HMCN2: variants seen among roughly 807,000 people sequenced by gnomAD.
HMCN2 encodes hemicentin 2.
HMCN2 carries 325 observed loss-of-function variants against 377.5 expected under a neutral mutation model. The observed-to-expected ratio is 0.86, with a 90% confidence interval of 0.79 to 0.94. The LOEUF (loss-of-function observed/expected upper bound fraction) is 0.94, where lower values mean the gene tolerates loss of function less well. HMCN2 is among the 40% of genes least tolerant of loss of function. HMCN2 has a pLI of 0.00. For synonymous variants in HMCN2, 2,007 were observed against 2,046.8 expected, an observed-to-expected ratio of 0.98 and a Z score of 0.53; for missense variants, 4,543 against 4,725.3, an observed-to-expected ratio of 0.96 and a Z score of 1.13.
chr9:130,427,275 C>T (rs1006555736), intron 90 of HMCN2, 38 bp from the exon 91 acceptor site: 13 of 1,544,134 alleles, frequency 8.4e-6, no homozygotes, highest in Non-Finnish European at 1.1e-5. Context: ...GGAGAGGACA[C>T]CCTCATGTCC....
intron 22 of HMCN2, among the ~76,000 whole-genome samples, chr9:130,328,441 C>T (rs1356513470): frequency 6.6e-6 from 1 of 152,144 alleles, no homozygotes; most frequent in African/African-American, 2.4e-5. Context: ...GAAACGGGAA[C>T]CGCATTCCCA....
In HMCN2 at chr9:130,382,240, T is replaced by C. The variant is rs1009106419; in HGVS notation, c.8488T>C (p.Cys2830Arg). The change falls in exon 55 of 98, where the codon TGC becomes CGC. Residue 2830 changes from cysteine to arginine, a missense_variant. Cys to Arg is a radical substitution (Grantham distance 180, BLOSUM62 -3). This residue lies in a region of HMCN2 where 736 missense variants were observed against 773.2 expected (regional missense o/e 0.95). Transcript: ENST00000683500. ...VRAENAGRYS[C>R]KASNEVGEDW... ...GGCAGAGAACGCCGGGAGGTACTCG[T>C]GCAAGGCCTCCAACGAGGTGGGCGA... 9 of 985,820 alleles carry C rather than the reference T, an allele frequency of 9.1e-6. No homozygotes were observed. The highest frequency in any genetic ancestry group is 1.1e-5 in the Non-Finnish European group (9 of 829,924). The allele number at this position is 985,820 out of a possible 1,614,324, so 61.1% of individuals were successfully genotyped here. A position where few individuals can be genotyped will look rare whatever the true frequency, so the allele number is the denominator to read the frequency against.
At chr9:130,345,207 A>C (rs1157761073) in intron 25 of HMCN2, among the ~76,000 whole-genome samples, 1 of 102,658 alleles carries the variant, frequency 9.7e-6, no homozygotes, top group Admixed American at 1.0e-4. Context: ...TGTGGTATGT[A>C]TTGTGTGTGG....
chr9:130,408,911 C>G lies in HMCN2; in HGVS notation c.12857C>G (p.Ser4286Trp). ...SHLRHQLQNG[S>W]LTIRRTERDD... The stretch of plus-strand genomic sequence containing the variant: ...CTCCGGCACCAGCTGCAGAATGGCT[C>G]GCTGACCATCCGCAGGACTGAGGCA... Residue 4286 changes from serine to tryptophan, a missense_variant, in exon 84 of 98, where the codon TCG (serine) becomes TGG (tryptophan). Coordinates refer to ENST00000683500, the MANE Select transcript of HMCN2 (RefSeq NM_001291815.2). 1.6e-6 allele frequency: 2 copies of G among 1,289,500 alleles called. No homozygotes were observed. The highest frequency in any genetic ancestry group is 2.0e-6 in the Non-Finnish European group (2 of 988,770). The allele number at this position is 1,289,500 out of a possible 1,614,324, so 79.9% of individuals were successfully genotyped here.
At position 130,391,028 on chromosome 9, in the gene HMCN2, G is replaced by A. The variant is rs991830821; in HGVS notation, c.9575G>A (p.Ser3192Asn). 6.1e-6 allele frequency: 6 copies of A among 987,580 alleles called. No homozygotes were observed. The African/African-American group carries it at 1.0e-4, about 17-fold the overall frequency. The allele number at this position is 987,580 out of a possible 1,614,324, so 61.2% of individuals were successfully genotyped here. A position where few individuals can be genotyped will look rare whatever the true frequency, so the allele number is the denominator to read the frequency against. The change falls in exon 63 of 98, where the codon AGC (serine) becomes AAC (asparagine). Residue 3192 changes from serine (S) to asparagine (N), a missense_variant. Physicochemically the swap from Ser to Asn is conservative, Grantham distance 46. Around this residue, in one of 5 missense-constraint regions of HMCN2, gnomAD observed 736 missense variants for 773.2 expected, o/e 0.95. Coordinates refer to ENST00000683500, the MANE Select transcript of HMCN2 (RefSeq NM_001291815.2). ...VVSRGGRLQL[S>N]RLQPAQAGTY... The stretch of plus-strand genomic sequence containing the variant: ...TCCCGGGGGGGCCGCCTCCAGCTGA[G>A]CCGCCTGCAACCGGCCCAGGCGGGC...
intron 84 of HMCN2, 60 bp from the exon 85 acceptor site, chr9:130,410,511 G>A: frequency 6.7e-7 from 1 of 1,494,540 alleles, no homozygotes; most frequent in Non-Finnish European, 9.1e-7. Flanking sequence ...CTACCCAACT[G>A]TCTGAGCCAC....
intron 31 of HMCN2, among the ~76,000 whole-genome samples, chr9:130,353,717 C>T (rs779244509): frequency 1.3e-5 from 2 of 152,188 alleles, no homozygotes; most frequent in Non-Finnish European, 2.9e-5. Context: ...CCGGTCCTTA[C>T]GCGGGCAGAT....
chr9:130,396,218 C>A lies in HMCN2; in HGVS notation c.11103C>A (p.Asn3701Lys). Residue 3701 changes from asparagine (N) to lysine (K), a missense_variant, in exon 73 of 98, where the codon AAC becomes AAA. Asn to Lys is a moderately conservative substitution (Grantham distance 94, BLOSUM62 0). Coordinates refer to ENST00000683500, the MANE Select transcript of HMCN2 (RefSeq NM_001291815.2). ...SGPPAVNVSVNQTALLPCQAD... is the reference protein window; with the variant it reads ...SGPPAVNVSVKQTALLPCQAD... ...CACCTGCAGTGAACGTCTCAGTGAA[C>A]CAGACAGCCCTGCTGCCTTGCCAGG... 3.1e-6 allele frequency: 4 copies of A among 1,286,068 alleles called. No homozygotes were observed. In the South Asian group the frequency reaches 3.7e-5, roughly 12 times the overall value. 79.7% of individuals were successfully genotyped at this position (1,286,068 alleles called of 1,614,324 possible).
intron 15 of HMCN2, among the ~76,000 whole-genome samples, chr9:130,318,419 C>T (rs1308707422): frequency 1.3e-5 from 2 of 152,066 alleles, no homozygotes; most frequent in Admixed American, 6.5e-5. Context: ...CAGAGGCTGC[C>T]GAGGGAAGGA....
chr9:130,314,995 C>T (rs1316832188), intron 15 of HMCN2, among the ~76,000 whole-genome samples: 4 of 151,882 alleles, frequency 2.6e-5, no homozygotes, highest in Admixed American at 2.0e-4. Flanking sequence ...CCTCTGTCAT[C>T]TGACTTCACC....
In HMCN2 at chr9:130,269,266, C is replaced by CT. The variant is rs56326154; in HGVS notation, c.259+3149dup. 2.4e-3 allele frequency among the ~76,000 whole-genome samples: 282 copies of CT among 116,526 alleles called. 5 individuals carry two copies. The highest frequency in any genetic ancestry group is 5.0e-3 in the African/African-American group (167 of 33,580). The allele number at this position is 116,526 out of a possible 152,430, so 76.4% of individuals were successfully genotyped here. ...AATCATTGCAAAAGAGCCCTGGTTC[C>CT]TTTTTTTTTTTTTTTTTTTTGAAAT... is the stretch of plus-strand genomic sequence containing the variant. On this transcript the variant is annotated intron_variant, in intron 1 of 97. Transcript: ENST00000683500.
At chr9:130,298,428 G>A (rs782290505) in intron 7 of HMCN2, among the ~76,000 whole-genome samples, 5 of 152,182 alleles carry the variant, frequency 3.3e-5, no homozygotes, top group African/African-American at 9.7e-5. Flanking sequence ...GGAGGCTGAG[G>A]TGGGAGTATT....
intron 43 of HMCN2, among the ~76,000 whole-genome samples, chr9:130,367,056 C>T (rs893121093): frequency 6.6e-6 from 1 of 152,002 alleles, no homozygotes; most frequent in South Asian, 2.1e-4. Context: ...AAATGCACCC[C>T]AGGCGGAGGT....
chr9:130,340,714 C>T (rs921833455), intron 23 of HMCN2, among the ~76,000 whole-genome samples: 2 of 152,148 alleles, frequency 1.3e-5, no homozygotes, highest in Non-Finnish European at 2.9e-5. Flanking sequence ...AGATGGGTTT[C>T]GCCATGTTGG....
chr9:130,296,878 G>C (rs896885588), intron 7 of HMCN2, 84 bp downstream of exon 7: 2 of 447,392 alleles, frequency 4.5e-6, no homozygotes, highest in African/African-American at 4.0e-5. Flanking sequence ...GGGAGGTGTG[G>C]GGGGAATGCT....
In HMCN2 at chr9:130,385,774, TG is replaced by T. The variant is rs529634448; in HGVS notation, c.9309+17del. ...TCCAGGAAGCCCAGGTGAGCAACCC[TG>T]GGGGCACGGGCAGCCATGAGCGCTG... is the stretch of plus-strand genomic sequence containing the variant. On this transcript the variant is annotated intron_variant, in intron 60 of 97. Coordinates refer to ENST00000683500, the MANE Select transcript of HMCN2 (RefSeq NM_001291815.2). The T allele has an allele frequency of 3.4e-4, 448 of 1,301,642 alleles. 3 individuals carry two copies. The highest frequency in any genetic ancestry group is 9.2e-4 in the Middle Eastern group (4 of 4,368). 80.6% of individuals were successfully genotyped at this position (1,301,642 alleles called of 1,614,324 possible).
chr9:130,313,652 G>A (rs1438826718), intron 15 of HMCN2, among the ~76,000 whole-genome samples: 1 of 152,080 alleles, frequency 6.6e-6, no homozygotes, highest in African/African-American at 2.4e-5. Context: ...AGCGCTCGGT[G>A]AGGTGGGGCG....
At position 130,372,417 on chromosome 9, in the gene HMCN2, A is replaced by G. The variant is rs371859566; in HGVS notation, c.7351+10A>G. The G allele has an allele frequency of 4.9e-5, 48 of 973,392 alleles. No homozygotes were observed. The East Asian group carries it at 2.4e-3, about 49-fold the overall frequency. 60.3% of individuals were successfully genotyped at this position (973,392 alleles called of 1,614,324 possible). On this transcript the variant is annotated intron_variant, in intron 47 of 97. Transcript: ENST00000683500. ...AGTGTGGAGGTGCTGGGTGCGTTACAACCCCATTCTCATGGGTGCCCTATG... is the reference window on the plus strand; with the variant it reads ...AGTGTGGAGGTGCTGGGTGCGTTACGACCCCATTCTCATGGGTGCCCTATG...
rs6478960 is a variant in HMCN2, at chr9:130,308,231, A to G, written c.2200+665A>G. On this transcript the variant is annotated intron_variant, in intron 14 of 97. Coordinates refer to ENST00000683500, the MANE Select transcript of HMCN2 (RefSeq NM_001291815.2). The surrounding 1 kb of genome is among the most constrained non-coding windows in gnomAD (Gnocchi z 4.1). ...CTCGGCTTCCCAAAGTGCTGGGATGACAGGCGTGAGCCACTGTGCCTGGCC... is the reference window on the plus strand; with the variant it reads ...CTCGGCTTCCCAAAGTGCTGGGATGGCAGGCGTGAGCCACTGTGCCTGGCC... Among the ~76,000 whole-genome samples the G allele has an allele frequency of 0.75, 113,870 of 152,182 alleles. 43,167 individuals are homozygous for G. Among genetic ancestry groups the G allele is most frequent in the East Asian group, 0.97 (5,033 of 5,180 alleles).
Sources: gnomAD v4.1 joint callset for allele counts (sites outside exome capture counted in the v4.1 genomes callset) on GRCh38, gnomAD v4.1.1 for gene constraint, gnomAD v4.1.1 regional missense constraint, Gnocchi (gnomAD v3.1) non-coding constraint, MANE v1.5 for transcripts, NCBI Gene and HGNC (gene_info 2026-07-23, HGNC 2026-07-21) for gene names.